DSCAM: variants seen among roughly 807,000 people sequenced by gnomAD.
DSCAM encodes the protein cell adhesion molecule DSCAM.
DSCAM carries 47 observed loss-of-function variants against 217.7 expected under a neutral mutation model. The ratio of observed to expected loss-of-function variants is 0.22; its 90% CI spans 0.17 to 0.28. DSCAM has a LOEUF of 0.28. DSCAM is among the 10% of genes least tolerant of loss of function. The pLI is 1.00. For synonymous variants in DSCAM, 1,056 were observed against 1,015.3 expected, an observed-to-expected ratio of 1.04 and a Z score of -0.76; for missense variants, 2,080 against 2,618.3, an observed-to-expected ratio of 0.79 and a Z score of 4.49.
At chr21:40,210,913 C>A (rs999213464) in intron 11 of DSCAM, among the ~76,000 whole-genome samples, 2 of 152,108 alleles carry the variant, frequency 1.3e-5, no homozygotes, top group Non-Finnish European at 2.9e-5. Context: ...GTGTATACTT[C>A]CGTTTAACTT....
At chr21:40,018,470 C>T (rs1301894141) in intron 32 of DSCAM, among the ~76,000 whole-genome samples, 2 of 152,088 alleles carry the variant, frequency 1.3e-5, no homozygotes, top group Non-Finnish European at 2.9e-5. Context: ...GCCTCATGCT[C>T]TTTCTGAGAC....
chr21:40,616,824 C>T (rs548976282), intron 3 of DSCAM, among the ~76,000 whole-genome samples: 3 of 151,814 alleles, frequency 2.0e-5, no homozygotes, highest in South Asian at 4.2e-4. Flanking sequence ...GAGACAATCC[C>T]GGCTAAAACG....
At chr21:40,841,521 T>C (rs2092101306) in intron 1 of DSCAM, among the ~76,000 whole-genome samples, 1 of 152,116 alleles carries the variant, frequency 6.6e-6, no homozygotes, top group Non-Finnish European at 1.5e-5. Flanking sequence ...CTTGAAGAGT[T>C]AACCCCCCAG....
intron 16 of DSCAM, among the ~76,000 whole-genome samples, chr21:40,160,000 C>T (rs2146756521): frequency 6.6e-6 from 1 of 152,294 alleles, no homozygotes; most frequent in Non-Finnish European, 1.5e-5. Flanking sequence ...CTGTCCAGAG[C>T]CATTGGTGGG....
intron 11 of DSCAM, among the ~76,000 whole-genome samples, chr21:40,190,910 T>C (rs2090946568): frequency 6.6e-6 from 1 of 152,198 alleles, no homozygotes; most frequent in Non-Finnish European, 1.5e-5. Flanking sequence ...AAAGATATTT[T>C]AAAAATATGA....
chr21:40,112,609 A>G (rs1293823099), intron 20 of DSCAM, among the ~76,000 whole-genome samples: 1 of 152,196 alleles, frequency 6.6e-6, no homozygotes, highest in African/African-American at 2.4e-5. Context: ...AACCCTTGAA[A>G]AAATCAATGA....
At chr21:40,283,009 G>C (rs1262002011) in intron 10 of DSCAM, among the ~76,000 whole-genome samples, 1 of 152,158 alleles carries the variant, frequency 6.6e-6, no homozygotes, top group African/African-American at 2.4e-5. Context: ...AAGGGTTATT[G>C]CATCTGAAGA....
chr21:40,606,039 G>A (rs953417284), intron 3 of DSCAM, among the ~76,000 whole-genome samples: 15 of 152,046 alleles, frequency 9.9e-5, no homozygotes, highest in African/African-American at 3.4e-4. Flanking sequence ...GAACTCAGGC[G>A]AACCACCCAC....
intron 9 of DSCAM, among the ~76,000 whole-genome samples, chr21:40,306,418 A>C (rs905253776): frequency 1.3e-4 from 19 of 150,438 alleles, no homozygotes; most frequent in Admixed American, 2.6e-4. Flanking sequence ...TCTTTTCCTA[A>C]TTGAATACCC....
At chr21:40,156,956 T>TC (rs756686622) in intron 16 of DSCAM, among the ~76,000 whole-genome samples, 4 of 152,092 alleles carry the variant, frequency 2.6e-5, no homozygotes, top group Non-Finnish European at 4.4e-5. Flanking sequence ...TGGATGTGGC[T>TC]CCCTCTCGAG....
intron 3 of DSCAM, among the ~76,000 whole-genome samples, chr21:40,583,635 G>C (rs2076921676): frequency 6.6e-6 from 1 of 152,124 alleles, no homozygotes; most frequent in Non-Finnish European, 1.5e-5. Flanking sequence ...CCTTTTGGCT[G>C]GAAAACTGGT....
intron 11 of DSCAM, among the ~76,000 whole-genome samples, chr21:40,200,258 C>T (rs2091056468): frequency 6.6e-6 from 1 of 152,190 alleles, no homozygotes; most frequent in South Asian, 2.1e-4. Context: ...ACTTTTTCTT[C>T]TTCCCAACCT....
chr21:40,141,043 G>A (rs1215377073), intron 18 of DSCAM, among the ~76,000 whole-genome samples: 1 of 149,488 alleles, frequency 6.7e-6, no homozygotes, highest in Non-Finnish European at 1.5e-5. Flanking sequence ...ACATGTTAGG[G>A]ACACAGTTAG....
intron 11 of DSCAM, among the ~76,000 whole-genome samples, chr21:40,235,983 C>T (rs897230881): frequency 1.3e-5 from 2 of 152,172 alleles, no homozygotes; most frequent in African/African-American, 2.4e-5. Flanking sequence ...TGATGAAGTA[C>T]AATGTGGCTG....
rs772403484 is a variant in DSCAM at position 40,055,763 on chromosome 21, T to G, written c.4997A>C (p.Gln1666Pro). 2 of 1,613,754 alleles carry G rather than the reference T, an allele frequency of 1.2e-6. No individual in the cohort carries two copies. ...LRMHIDIPRA[Q>P]LLIEERDTME... is the part of the protein sequence containing the mutation. ...CGTGTCTCTCTCTTCAATCAAAAGCTGAGCCCTGGGTATGTCGATGTGCAT... is the reference window on the plus strand; with the variant it reads ...CGTGTCTCTCTCTTCAATCAAAAGCGGAGCCCTGGGTATGTCGATGTGCAT... The change falls in exon 29 of 33, where the codon CAG becomes CCG. Residue 1666 changes from glutamine (Q) to proline (P), a missense_variant. Physicochemically the swap from Gln to Pro is moderately conservative, Grantham distance 76. Coordinates refer to ENST00000400454, the MANE Select transcript of DSCAM (RefSeq NM_001389.5).
intron 1 of DSCAM, among the ~76,000 whole-genome samples, chr21:40,800,714 T>A (rs2091732348): frequency 7.3e-6 from 1 of 137,220 alleles, no homozygotes; most frequent in Non-Finnish European, 1.5e-5. Context: ...TTTCTTACTT[T>A]CTTTTTTTTT....
intron 3 of DSCAM, among the ~76,000 whole-genome samples, chr21:40,556,446 A>T (rs943366646): frequency 6.6e-6 from 1 of 152,254 alleles, no homozygotes; most frequent in Non-Finnish European, 1.5e-5. Context: ...ATATACTACT[A>T]TATGTCTTAG....
At chr21:40,036,308 ATGC>A (rs1176822918) in intron 32 of DSCAM, among the ~76,000 whole-genome samples, 3 of 136,168 alleles carry the variant, frequency 2.2e-5, no homozygotes, top group African/African-American at 7.9e-5. Context: ...AATCAAATAG[ATGC>A]AATAAAAAAT....
At chr21:40,057,024 C>G (rs1220457998) in intron 28 of DSCAM, among the ~76,000 whole-genome samples, 1 of 152,176 alleles carries the variant, frequency 6.6e-6, no homozygotes, top group Non-Finnish European at 1.5e-5. Context: ...CTCAAGTACC[C>G]CCTTAGATGT....
Sources: gnomAD v4.1 joint callset for allele counts (sites outside exome capture counted in the v4.1 genomes callset) on GRCh38, gnomAD v4.1.1 for gene constraint, MANE v1.5 for transcripts, NCBI Gene and HGNC (gene_info 2026-07-23, HGNC 2026-07-21) for gene names.